TACR3: variants seen among roughly 807,000 people sequenced by gnomAD.
TACR3 encodes the protein tachykinin receptor 3.
In TACR3, 34 loss-of-function variants were observed where a neutral mutation model predicts 35.0. That is an observed-to-expected ratio of 0.97 (90% CI 0.74 to 1.30). TACR3 has a LOEUF of 1.30. Ranked by LOEUF, TACR3 falls within the 50% of genes most tolerant of loss-of-function variation. The probability of loss-of-function intolerance (pLI) is 0.00; values close to 1 mark genes in which losing one functional copy is unlikely to be tolerated. For synonymous variants in TACR3, 233 were observed against 221.1 expected, an observed-to-expected ratio of 1.05 and a Z score of -0.48; for missense variants, 558 against 591.7, an observed-to-expected ratio of 0.94 and a Z score of 0.59.
At chr4:103,673,220 T>TCTTA (rs1430740559) in intron 1 of TACR3, among the ~76,000 whole-genome samples, 11 of 152,178 alleles carry the variant, frequency 7.2e-5, no homozygotes, top group Admixed American at 2.6e-4. Flanking sequence ...CATTAATAAC[T>TCTTA]CTTACTTTCC....
chr4:103,605,973 C>T (rs1021364212), intron 3 of TACR3, among the ~76,000 whole-genome samples: 4 of 151,938 alleles, frequency 2.6e-5, no homozygotes, highest in Non-Finnish European at 5.9e-5. Flanking sequence ...ACGTTTAAGT[C>T]TTTAATCCAT....
At chr4:103,682,140 T>TATTA (rs1722108832) in intron 1 of TACR3, among the ~76,000 whole-genome samples, 2 of 152,152 alleles carry the variant, frequency 1.3e-5, no homozygotes. Flanking sequence ...TTCTTGTCAT[T>TATTA]ATTATTTTTA....
chr4:103,647,175 A>G (rs1725481421), intron 3 of TACR3, among the ~76,000 whole-genome samples: 1 of 151,914 alleles, frequency 6.6e-6, no homozygotes. Flanking sequence ...TCAACTTTTC[A>G]TATGCCAACC....
intron 3 of TACR3, among the ~76,000 whole-genome samples, chr4:103,629,874 A>G (rs900082377): frequency 7.9e-6 from 1 of 127,284 alleles, no homozygotes; most frequent in Non-Finnish European, 1.8e-5. Flanking sequence ...AAAAAAAACA[A>G]AAAAAACAAC....
chr4:103,665,609 G>A (rs895958594), intron 1 of TACR3, among the ~76,000 whole-genome samples: 1 of 152,090 alleles, frequency 6.6e-6, no homozygotes, highest in Non-Finnish European at 1.5e-5. Context: ...CTGCCCTTGT[G>A]GAGTTCAGAG....
At chr4:103,678,792 G>C in intron 1 of TACR3, among the ~76,000 whole-genome samples, 1 of 119,028 alleles carries the variant, frequency 8.4e-6, no homozygotes, top group South Asian at 2.5e-4. Context: ...AAAGGTAGTT[G>C]CTTTTTTTTT....
intron 3 of TACR3, among the ~76,000 whole-genome samples, chr4:103,608,146 A>T (rs906391184): frequency 2.1e-4 from 32 of 152,258 alleles, no homozygotes; most frequent in Admixed American, 3.9e-4. Flanking sequence ...TAGCAAAGGC[A>T]TGGGATTAAC....
At chr4:103,709,833 CA>C (rs201449414) in intron 1 of TACR3, among the ~76,000 whole-genome samples, 3 of 149,620 alleles carry the variant, frequency 2.0e-5, no homozygotes, top group African/African-American at 4.9e-5. Flanking sequence ...AAATGGAAAA[CA>C]AAAAAAAATG....
intron 3 of TACR3, among the ~76,000 whole-genome samples, chr4:103,603,408 C>A (rs530483858): frequency 3.3e-5 from 5 of 152,350 alleles, no homozygotes; most frequent in Admixed American, 6.5e-5. Context: ...CTGTCTTGCA[C>A]CTACTGTCTG....
chr4:103,683,470 C>CAAAAAAAAAAAAAAAAAAAAAAAA (rs57761679), intron 1 of TACR3, among the ~76,000 whole-genome samples: 2 of 21,142 alleles, frequency 9.5e-5, no homozygotes, highest in Non-Finnish European at 1.8e-4. Context: ...AAAGACTGAC[C>CAAAAAAAAAAAAAAAAAAAAAAAA]AAAAAAAAAA....
intron 3 of TACR3, among the ~76,000 whole-genome samples, chr4:103,603,570 C>A (rs1024763435): frequency 1.3e-5 from 2 of 152,178 alleles, no homozygotes; most frequent in Admixed American, 6.5e-5. Context: ...TCCAGTCTAT[C>A]ATTGATGGGC....
At chr4:103,631,593 G>C (rs947907738) in intron 3 of TACR3, among the ~76,000 whole-genome samples, 3 of 152,160 alleles carry the variant, frequency 2.0e-5, no homozygotes, top group African/African-American at 7.2e-5. Context: ...ACTTTGTCTG[G>C]AAGATTCAGA....
At chr4:103,621,923 G>GA (rs902228789) in intron 3 of TACR3, among the ~76,000 whole-genome samples, 2 of 152,150 alleles carry the variant, frequency 1.3e-5, no homozygotes, top group African/African-American at 4.8e-5. Context: ...TGGGAGATGA[G>GA]ATTATCCAAA....
At chr4:103,696,573 T>C (rs1450465478) in intron 1 of TACR3, among the ~76,000 whole-genome samples, 2 of 152,350 alleles carry the variant, frequency 1.3e-5, no homozygotes, top group South Asian at 2.1e-4. Context: ...TCCAACATTT[T>C]ATCCTTTGCA....
At chr4:103,707,430 T>C (rs79852843) in intron 1 of TACR3, among the ~76,000 whole-genome samples, 4,874 of 152,298 alleles carry the variant, frequency 0.032, 112 homozygotes, top group Non-Finnish European at 0.05. Flanking sequence ...CGTATTTTTT[T>C]CTCCAATCTT....
intron 3 of TACR3, among the ~76,000 whole-genome samples, chr4:103,602,743 T>G (rs1022407096): frequency 6.6e-6 from 1 of 152,206 alleles, no homozygotes; most frequent in Non-Finnish European, 1.5e-5. Flanking sequence ...TGATCGTTCC[T>G]GTGGAAGTTT....
intron 1 of TACR3, among the ~76,000 whole-genome samples, chr4:103,682,032 G>A (rs1722105965): frequency 6.6e-6 from 1 of 152,122 alleles, no homozygotes; most frequent in Non-Finnish European, 1.5e-5. Context: ...TATTTGGTGT[G>A]TAATAACTTG....
intron 1 of TACR3, among the ~76,000 whole-genome samples, chr4:103,682,161 C>A (rs1256894966): frequency 6.6e-6 from 1 of 152,076 alleles, no homozygotes; most frequent in Non-Finnish European, 1.5e-5. Flanking sequence ...GAGATGGAAT[C>A]TTTCTCTCTT....
At chr4:103,717,568 C>G (rs1313570129) in intron 1 of TACR3, among the ~76,000 whole-genome samples, 1 of 152,048 alleles carries the variant, frequency 6.6e-6, no homozygotes, top group Non-Finnish European at 1.5e-5. Flanking sequence ...TTCACATGCA[C>G]TAAAATTTTC....
Sources: gnomAD v4.1 joint callset for allele counts (sites outside exome capture counted in the v4.1 genomes callset) on GRCh38, gnomAD v4.1.1 for gene constraint, MANE v1.5 for transcripts, NCBI Gene and HGNC (gene_info 2026-07-23, HGNC 2026-07-21) for gene names.